GALNT18: variants seen among roughly 807,000 people sequenced by gnomAD.
The protein encoded by GALNT18 is polypeptide N-acetylgalactosaminyltransferase 18.
Under a neutral mutation model 69.5 loss-of-function variants are expected in GALNT18, and 44 were observed. That is an observed-to-expected ratio of 0.63 (90% CI 0.50 to 0.81). The LOEUF is 0.81. Among genes scored for constraint, GALNT18 ranks in the 40% least tolerant of loss-of-function variants. The pLI is 0.00. For synonymous variants in GALNT18, 364 were observed against 318.2 expected (o/e 1.14, Z -1.53); for missense variants, 715 against 810.0 (o/e 0.88, Z 1.42).
rs891104521 is a variant in GALNT18 at position 11,598,308 on chromosome 11, G to A, written c.235+23051C>T. On this transcript the variant is annotated intron_variant, in intron 1 of 10. Coordinates refer to ENST00000227756, the MANE Select transcript of GALNT18 (RefSeq NM_198516.3). This position sits in a 1 kb window ranked among gnomAD's most constrained non-coding sequence, Gnocchi z 4.8. ...AAACTTATTCTCTAACAATTCTGGA[G>A]GCCAGAAGTCCAAAATTAGTCTTAC... Among the ~76,000 whole-genome samples, 1 of 152,076 alleles carries A rather than the reference G, an allele frequency of 6.6e-6. No individual in the cohort carries two copies.
chr11:11,605,909 T>TGC lies in GALNT18; in HGVS notation c.235+15448_235+15449dup, dbSNP rs1565038325. Among the ~76,000 whole-genome samples the TGC allele has an allele frequency of 1.3e-5, 2 of 152,106 alleles. No homozygotes were observed. Among genetic ancestry groups the TGC allele is most frequent in the African/African-American group, 2.4e-5 (1 of 41,432 alleles). ...GGAAAGCACACTGCACACACGCTCA[T>TGC]GCGCACACACACACACCACTGAGCT... On this transcript the variant is annotated intron_variant, in intron 1 of 10. Transcript: ENST00000227756. The surrounding 1 kb of genome is among the most constrained non-coding windows in gnomAD (Gnocchi z 4.7).
chr11:11,298,687 C>T (rs767604268), intron 9 of GALNT18, among the ~76,000 whole-genome samples: 4 of 152,232 alleles, frequency 2.6e-5, no homozygotes, highest in South Asian at 4.1e-4. Context: ...GTCTCAGGGG[C>T]CATTGTGGGT....
In GALNT18 at chr11:11,444,667, AAAGT is replaced by A. The variant is rs1590008938; in HGVS notation, c.428+4073_428+4076del. Among the ~76,000 whole-genome samples, 2 of 152,194 alleles carry A rather than the reference AAAGT, an allele frequency of 1.3e-5. No individual in the cohort carries two copies. Among genetic ancestry groups the A allele is most frequent in the South Asian group, 2.1e-4 (1 of 4,828 alleles). On this transcript the variant is annotated intron_variant, in intron 2 of 10. Coordinates refer to ENST00000227756, the MANE Select transcript of GALNT18 (RefSeq NM_198516.3). The surrounding 1 kb of genome is among the most constrained non-coding windows in gnomAD (Gnocchi z 4.4). ...TTCAGTACCAAGAAAAAAAGGAGAC[AAAGT>A]AAGTGACTAGCTAGAGGTGAGAGAA... is the stretch of plus-strand genomic sequence containing the variant.
rs147344212 is a variant in GALNT18 at position 11,315,999 on chromosome 11, C to T, written c.1512+11087G>A. ...ATGAATGGTGGCCCCTGGAACCGTG[C>T]GAGGTGACAGCTCAGAGGACAATAA... On this transcript the variant is annotated intron_variant, in intron 9 of 10. Transcript: ENST00000227756. The surrounding 1 kb of genome is among the most constrained non-coding windows in gnomAD (Gnocchi z 5.6). Among the ~76,000 whole-genome samples the T allele has an allele frequency of 1.3e-3, 192 of 152,244 alleles. 3 individuals carry two copies. Among genetic ancestry groups the T allele is most frequent in the African/African-American group, 4.4e-3 (181 of 41,548 alleles).
intron 10 of GALNT18, among the ~76,000 whole-genome samples, chr11:11,279,990 TGGAGGGGACTGTGTATGTGTGTGTTG>T (rs1216905519): frequency 6.6e-6 from 1 of 151,894 alleles, no homozygotes; most frequent in East Asian, 1.9e-4. Context: ...GGGGTGCGGG[TGGAGGGGACTGTGTATGTGTGTGTTG>T]GGAGGGGACA....
chr11:11,337,895 C>A lies in GALNT18; in HGVS notation c.1278+2924G>T, dbSNP rs1048441388. ...ACAGGCAGAGGAGAAAGCATGGGAA[C>A]TTTTGATGCCATGCCAAACACTGGG... On this transcript the variant is annotated intron_variant, in intron 7 of 10. Coordinates refer to ENST00000227756, the MANE Select transcript of GALNT18 (RefSeq NM_198516.3). The surrounding 1 kb of genome is among the most constrained non-coding windows in gnomAD (Gnocchi z 4.9). 2.0e-5 allele frequency among the ~76,000 whole-genome samples: 3 copies of A among 150,994 alleles called. No homozygotes were observed. Among genetic ancestry groups the A allele is most frequent in the African/African-American group, 7.3e-5 (3 of 40,994 alleles).
At chr11:11,408,022 C>CAG (rs1854631797) in intron 3 of GALNT18, among the ~76,000 whole-genome samples, 1 of 152,146 alleles carries the variant, frequency 6.6e-6, no homozygotes, top group Non-Finnish European at 1.5e-5. Context: ...TAGAGCTGCC[C>CAG]AGAGAGAGAA....
At chr11:11,375,723 A>G (rs1008012594) in intron 5 of GALNT18, among the ~76,000 whole-genome samples, 7 of 152,216 alleles carry the variant, frequency 4.6e-5, no homozygotes, top group Non-Finnish European at 8.8e-5. Flanking sequence ...TGATCAAATG[A>G]GCCAATGCGT....
Position 11,446,063 on chromosome 11 carries a change from C to T in GALNT18, c.428+2681G>A, listed in dbSNP as rs1351440338. ...CACAGTCAAATAAACAATGGTGGGC[C>T]GATGTCAAAGCCACGATCCGGCATC... On this transcript the variant is annotated intron_variant, in intron 2 of 10. Coordinates refer to ENST00000227756, the MANE Select transcript of GALNT18 (RefSeq NM_198516.3). 2.0e-5 allele frequency among the ~76,000 whole-genome samples: 3 copies of T among 152,236 alleles called. No individual in the cohort carries two copies. In the East Asian group the frequency reaches 5.8e-4, roughly 29 times the overall value.
chr11:11,516,620 A>G (rs1857283175), intron 1 of GALNT18, among the ~76,000 whole-genome samples: 1 of 152,112 alleles, frequency 6.6e-6, no homozygotes, highest in African/African-American at 2.4e-5. Flanking sequence ...AACACAGTGA[A>G]ACTCCATCTC....
Position 11,511,686 on chromosome 11 carries a change from TG to T in GALNT18, c.236-62751del, listed in dbSNP as rs1857169061. Among the ~76,000 whole-genome samples, 1 of 152,154 alleles carries T rather than the reference TG, an allele frequency of 6.6e-6. No homozygotes were observed. Among genetic ancestry groups the T allele is most frequent in the Non-Finnish European group, 1.5e-5 (1 of 68,036 alleles). ...GAAGGTAGGGCCTTTGGGAGGTGAT[TG>T]GATCATAAGGGTGGAGCCCTCATCA... On this transcript the variant is annotated intron_variant, in intron 1 of 10. Coordinates refer to ENST00000227756, the MANE Select transcript of GALNT18 (RefSeq NM_198516.3). This position sits in a 1 kb window ranked among gnomAD's most constrained non-coding sequence, Gnocchi z 4.9.
rs1859993473 is a variant in GALNT18, at chr11:11,614,362, A to AGGAGGAG, written c.235+6996_235+6997insCTCCTCC. Among the ~76,000 whole-genome samples, 4 of 146,308 alleles carry AGGAGGAG rather than the reference A, an allele frequency of 2.7e-5. No individual in the cohort carries two copies. Among genetic ancestry groups the AGGAGGAG allele is most frequent in the African/African-American group, 1.0e-4 (4 of 38,910 alleles). On this transcript the variant is annotated intron_variant, in intron 1 of 10. Transcript: ENST00000227756. The surrounding 1 kb of genome is among the most constrained non-coding windows in gnomAD (Gnocchi z 5.6). ...CAAGAGAGTGAGGAGAAGAAGAAGA[A>AGGAGGAG]GAGGAGGAGGAGGAGGAGGAGGAGG...
chr11:11,445,908 G>T (rs1485259691), intron 2 of GALNT18, among the ~76,000 whole-genome samples: 3 of 152,130 alleles, frequency 2.0e-5, no homozygotes, highest in East Asian at 3.9e-4. Context: ...GTAGAATTCT[G>T]CCCACCTAAA....
At chr11:11,520,658 G>A (rs996366892) in intron 1 of GALNT18, among the ~76,000 whole-genome samples, 10 of 152,306 alleles carry the variant, frequency 6.6e-5, no homozygotes, top group Admixed American at 5.9e-4. Flanking sequence ...TCTGGGAGCA[G>A]GAGAAAGCTA....
chr11:11,594,852 T>C (rs1022322301), intron 1 of GALNT18, among the ~76,000 whole-genome samples: 2 of 54,126 alleles, frequency 3.7e-5, no homozygotes, highest in Middle Eastern at 7.4e-3. Context: ...CACATATACA[T>C]ACATACACAC....
Position 11,621,763 on chromosome 11 carries a change from A to G in GALNT18, c.-170T>C. The G allele has an allele frequency of 1.7e-6, 1 of 603,884 alleles. No homozygotes were observed. 37.4% of individuals were successfully genotyped at this position (603,884 alleles called of 1,614,324 possible). The stretch of plus-strand genomic sequence containing the variant: ...GCTGCCGGTGTAGCCGCCGTGCCCA[A>G]GTTTGCAGCTCCTGCCGCTGGCCAC... On this transcript the variant is annotated 5_prime_UTR_variant, in exon 1 of 11. Transcript: ENST00000227756. This position sits in a 1 kb window ranked among gnomAD's most constrained non-coding sequence, Gnocchi z 9.3.
At chr11:11,342,914 G>A (rs765228812) in intron 6 of GALNT18, among the ~76,000 whole-genome samples, 10 of 152,122 alleles carry the variant, frequency 6.6e-5, no homozygotes, top group South Asian at 2.1e-4. Flanking sequence ...TACATGCAAC[G>A]TGCTTAAAAA....
In GALNT18 at chr11:11,404,317, G is replaced by C. The variant is rs187697935; in HGVS notation, c.596-25053C>G. 1.5e-3 allele frequency among the ~76,000 whole-genome samples: 230 copies of C among 152,306 alleles called. 1 individual carries two copies. The highest frequency in any genetic ancestry group is 5.4e-3 in the African/African-American group (226 of 41,556). On this transcript the variant is annotated intron_variant, in intron 3 of 10. Coordinates refer to ENST00000227756, the MANE Select transcript of GALNT18 (RefSeq NM_198516.3). This position sits in a 1 kb window ranked among gnomAD's most constrained non-coding sequence, Gnocchi z 4.5. Reference sequence around the variant, plus strand: ...CTGCCTCACCATCCATCTGTGAATAGGGGTAAGACAAGCGGGTATATTAGT... The same window carrying C: ...CTGCCTCACCATCCATCTGTGAATACGGGTAAGACAAGCGGGTATATTAGT...
In GALNT18 at chr11:11,602,096, CT is replaced by C. The variant is rs1242622774; in HGVS notation, c.235+19262del. Among the ~76,000 whole-genome samples, 1 of 152,182 alleles carries C rather than the reference CT, an allele frequency of 6.6e-6. No homozygotes were observed. The highest frequency in any genetic ancestry group is 1.5e-5 in the Non-Finnish European group (1 of 68,036). On this transcript the variant is annotated intron_variant, in intron 1 of 10. Transcript: ENST00000227756. The surrounding 1 kb of genome is among the most constrained non-coding windows in gnomAD (Gnocchi z 4.7). Reference sequence around the variant, plus strand: ...ATCTCTGTGTTCCTACAGCCTGCCCCTATCCCTGGGCAGAATATCTATACCA... The same window carrying C: ...ATCTCTGTGTTCCTACAGCCTGCCCCATCCCTGGGCAGAATATCTATACCA...
Sources: gnomAD v4.1 joint callset for allele counts (sites outside exome capture counted in the v4.1 genomes callset) on GRCh38, gnomAD v4.1.1 for gene constraint, Gnocchi (gnomAD v3.1) non-coding constraint, MANE v1.5 for transcripts, NCBI Gene and HGNC (gene_info 2026-07-23, HGNC 2026-07-21) for gene names.